The following MRC2 variants were observed in gnomAD, a reference collection of about 807,000 sequenced individuals.
MRC2 encodes C-type mannose receptor 2.
A neutral mutation model predicts 206.2 loss-of-function variants in MRC2; 84 were observed. The ratio of observed to expected loss-of-function variants is 0.41; its 90% CI spans 0.34 to 0.49. MRC2 has a LOEUF of 0.49. Among genes scored for constraint, MRC2 ranks in the 20% least tolerant of loss-of-function variants. The pLI is 0.31. For synonymous variants in MRC2, 798 were observed against 800.0 expected, an observed-to-expected ratio of 1.00 and a Z score of 0.04; for missense variants, 1,676 against 2,001.5, an observed-to-expected ratio of 0.84 and a Z score of 3.10.
intron 1 of MRC2, among the ~76,000 whole-genome samples, chr17:62,647,114 G>A (rs1029720958): frequency 9.2e-5 from 14 of 151,658 alleles, no homozygotes; most frequent in South Asian, 2.1e-4. Flanking sequence ...ATGCAAAAGC[G>A]TCTTTCTAGA....
In MRC2 at chr17:62,672,297, C is replaced by A; in HGVS notation, c.1461+145C>A. 2 of 926,776 alleles carry A rather than the reference C, an allele frequency of 2.2e-6. No individual in the cohort carries two copies. Among genetic ancestry groups the A allele is most frequent in the Non-Finnish European group, 3.3e-6 (2 of 614,126 alleles). The allele number at this position is 926,776 out of a possible 1,614,324, so 57.4% of individuals were successfully genotyped here. ...GCAGTCCCCCTCCTCCCCACCAATGCCTTCCCTTCCATGTGAGAGACTGCC... is the reference window on the plus strand; with the variant it reads ...GCAGTCCCCCTCCTCCCCACCAATGACTTCCCTTCCATGTGAGAGACTGCC... On this transcript the variant is annotated intron_variant, in intron 8 of 29. Coordinates refer to ENST00000303375, the MANE Select transcript of MRC2 (RefSeq NM_006039.5). This position sits in a 1 kb window ranked among gnomAD's most constrained non-coding sequence, Gnocchi z 4.5.
Position 62,667,592 on chromosome 17 carries a change from A to G in MRC2, c.1117+59A>G. 3.9e-6 allele frequency: 6 copies of G among 1,536,314 alleles called. No individual in the cohort carries two copies. In the South Asian group the frequency reaches 4.9e-5, roughly 13 times the overall value. ...GGCTCCCAGGGCCAGGGACACAGCCACAGAGCCGTGGCAGGCCCAGCCTCT... is the reference window on the plus strand; with the variant it reads ...GGCTCCCAGGGCCAGGGACACAGCCGCAGAGCCGTGGCAGGCCCAGCCTCT... On this transcript the variant is annotated intron_variant, in intron 6 of 29. Transcript: ENST00000303375. This position sits in a 1 kb window ranked among gnomAD's most constrained non-coding sequence, Gnocchi z 4.1.
In MRC2 at chr17:62,692,212, C is replaced by T. The variant is rs368008045; in HGVS notation, c.4220-19C>T. 264 of 1,612,938 alleles carry T rather than the reference C, an allele frequency of 1.6e-4. No homozygotes were observed. In the African/African-American group the frequency reaches 2.7e-3, roughly 17 times the overall value. ...GGCCTAACGCCCACTTGGCCTTTCACGCCCACTCGCCTTGGCAGCGCTTCC... is the reference window on the plus strand; with the variant it reads ...GGCCTAACGCCCACTTGGCCTTTCATGCCCACTCGCCTTGGCAGCGCTTCC... On this transcript the variant is annotated intron_variant, in intron 29 of 29. Coordinates refer to ENST00000303375, the MANE Select transcript of MRC2 (RefSeq NM_006039.5). The surrounding 1 kb of genome is among the most constrained non-coding windows in gnomAD (Gnocchi z 4.2).
intron 20 of MRC2, among the ~76,000 whole-genome samples, chr17:62,684,451 A>G (rs1201086880): frequency 2.6e-5 from 4 of 152,152 alleles, no homozygotes; most frequent in African/African-American, 4.8e-5. Context: ...CAGGTAGGAA[A>G]GTTTGGGGCA....
intron 1 of MRC2, among the ~76,000 whole-genome samples, chr17:62,629,039 T>G (rs2084194507): frequency 6.6e-6 from 1 of 152,150 alleles, no homozygotes; most frequent in Admixed American, 6.5e-5. Context: ...ATGGGAAAGG[T>G]GGGGGCCACG....
chr17:62,690,276 A>G lies in MRC2; in HGVS notation c.3863A>G (p.His1288Arg). The G allele has an allele frequency of 6.2e-7, 1 of 1,612,572 alleles. No homozygotes were observed. Among genetic ancestry groups the G allele is most frequent in the Non-Finnish European group, 8.5e-7 (1 of 1,179,196 alleles). Reference protein sequence around the residue: ...YSFHMELLLGHKEARQRCQRA... With the variant: ...YSFHMELLLGRKEARQRCQRA... ...TTCCACATGGAGCTGCTGCTGGGCC[A>G]CAAGGAGGCGCGACAGCGCTGCCAG... The change falls in exon 26 of 30, where the codon CAC (histidine) becomes CGC (arginine). Residue 1288 changes from histidine (H) to arginine (R), a missense_variant. By Grantham distance (29) the His-to-Arg change is conservative. Transcript: ENST00000303375.
At chr17:62,679,721 A>C in intron 13 of MRC2, 79 bp from the exon 14 acceptor site, 1 of 1,394,154 alleles carries the variant, frequency 7.2e-7, no homozygotes, top group East Asian at 2.4e-5. Context: ...TCACAGCTGC[A>C]AGGGACAGGG....
At chr17:62,665,494 AT>A (rs2088740638) in intron 2 of MRC2, among the ~76,000 whole-genome samples, 1 of 152,208 alleles carries the variant, frequency 6.6e-6, no homozygotes, top group African/African-American at 2.4e-5. Flanking sequence ...TGCAAAATAC[AT>A]GCTTGTAAAG....
chr17:62,646,991 T>C (rs1401690064), intron 1 of MRC2, among the ~76,000 whole-genome samples: 1 of 152,140 alleles, frequency 6.6e-6, no homozygotes, highest in East Asian at 1.9e-4. Flanking sequence ...GTTTACAATC[T>C]AGATATTCCA....
chr17:62,665,067 T>G, intron 2 of MRC2, 118 bp downstream of exon 2: 1 of 1,116,914 alleles, frequency 9.0e-7, no homozygotes, highest in Non-Finnish European at 1.2e-6. Context: ...GGCAGTCACA[T>G]GTTTAATTAT....
intron 1 of MRC2, among the ~76,000 whole-genome samples, chr17:62,633,527 AAACAT>A (rs1414890660): frequency 1.3e-5 from 2 of 151,114 alleles, no homozygotes; most frequent in African/African-American, 2.4e-5. Flanking sequence ...AAAAAAGAGA[AAACAT>A]GACTATCAAG....
At chr17:62,647,838 G>A (rs2088508671) in intron 1 of MRC2, among the ~76,000 whole-genome samples, 1 of 152,170 alleles carries the variant, frequency 6.6e-6, no homozygotes. Flanking sequence ...CCTTTGTGAG[G>A]AGCCGTGAGG....
At chr17:62,637,898 G>T (rs971086960) in intron 1 of MRC2, among the ~76,000 whole-genome samples, 3 of 152,204 alleles carry the variant, frequency 2.0e-5, no homozygotes, top group African/African-American at 7.2e-5. Context: ...GTTTGAAACA[G>T]GGTCTTGCTC....
In MRC2 at chr17:62,665,210, G is replaced by A. The variant is rs548043183; in HGVS notation, c.520+261G>A. On this transcript the variant is annotated intron_variant, in intron 2 of 29. Transcript: ENST00000303375. ...AGGTCAGGAGTTCAAGACCAGCCTG[G>A]CCAACATGGAAAAACCCCATCTCTA... Among the ~76,000 whole-genome samples the A allele has an allele frequency of 1.7e-3, 253 of 152,278 alleles. 1 individual carries two copies. The highest frequency in any genetic ancestry group is 1.5e-3 in the Non-Finnish European group (104 of 68,012).
At chr17:62,674,225 AG>A in intron 9 of MRC2, 55 bp downstream of exon 9, 1 of 1,333,734 alleles carries the variant, frequency 7.5e-7, no homozygotes. Context: ...AGGGGCTACC[AG>A]GGGAGGGAGA....
At chr17:62,628,072 G>T (rs1197530345) in intron 1 of MRC2, 152 bp downstream of exon 1, 3 of 535,112 alleles carry the variant, frequency 5.6e-6, no homozygotes, top group Non-Finnish European at 8.9e-6. Context: ...ACTCGTCTCC[G>T]CTTTTCTGAA....
intron 1 of MRC2, among the ~76,000 whole-genome samples, chr17:62,632,149 T>C (rs999751506): frequency 2.0e-5 from 3 of 152,086 alleles, no homozygotes; most frequent in Admixed American, 6.5e-5. Flanking sequence ...AGCTAGGGGT[T>C]GTACCAGTAA....
At chr17:62,634,501 A>C (rs551015293) in intron 1 of MRC2, among the ~76,000 whole-genome samples, 1 of 152,282 alleles carries the variant, frequency 6.6e-6, no homozygotes, top group African/African-American at 2.4e-5. Context: ...GGATTTTACC[A>C]TGTTGACCAG....
chr17:62,662,326 AAG>A (rs1568059163), intron 1 of MRC2, among the ~76,000 whole-genome samples: 1 of 151,932 alleles, frequency 6.6e-6, no homozygotes, highest in Non-Finnish European at 1.5e-5. Context: ...AGCATCGGGG[AAG>A]AGAGAGAACT....
Sources: gnomAD v4.1 joint callset for allele counts (sites outside exome capture counted in the v4.1 genomes callset) on GRCh38, gnomAD v4.1.1 for gene constraint, Gnocchi (gnomAD v3.1) non-coding constraint, MANE v1.5 for transcripts, NCBI Gene and HGNC (gene_info 2026-07-23, HGNC 2026-07-21) for gene names.